GLDN: variants seen among roughly 807,000 people sequenced by gnomAD.
The protein encoded by GLDN is collomin.
A neutral mutation model predicts 56.5 loss-of-function variants in GLDN; 47 were observed. The observed-to-expected ratio is 0.83, with a 90% CI of 0.66 to 1.06. The LOEUF (loss-of-function observed/expected upper bound fraction) is 1.06, where lower values mean the gene tolerates loss of function less well. GLDN is among the 50% of genes least tolerant of loss of function. The pLI is 0.00. For missense variants in GLDN, 782 were observed against 714.3 expected (o/e 1.09, Z -1.08); for synonymous variants, 332 against 278.8 (o/e 1.19, Z -1.90).
At chr15:51,391,040 T>G (rs1300180003) in intron 4 of GLDN, among the ~76,000 whole-genome samples, 1 of 152,214 alleles carries the variant, frequency 6.6e-6, no homozygotes, top group Non-Finnish European at 1.5e-5. Context: ...AGGGCAATTT[T>G]ACTGACAAAG....
In GLDN at chr15:51,404,358, T is replaced by C. The variant is rs755074868; in HGVS notation, c.1260T>C (p.Asn420=). Residue 420 remains asparagine (N), a synonymous_variant, in exon 10 of 10, where the codon AAT becomes AAC. Transcript: ENST00000335449. ...TTGATCGAAAATACCTTTTTGCAAA[T>C]TCCAAAACTTACTTCAATCTAGCTG... ...LYFDRKYLFA[N]SKTYFNLAVD... The C allele has an allele frequency of 1.1e-5, 18 of 1,613,976 alleles. No homozygotes were observed.
Position 51,383,870 on chromosome 15 carries a change from A to G in GLDN, c.519A>G (p.Ala173=). Residue 173 remains alanine (A), a synonymous_variant, in exon 4 of 10, where the codon GCA becomes GCG. Transcript: ENST00000335449. ...AGGGCCCAAAAGGAGAAAAAGGAGC[A>G]AATGGAAAAAGAGGAAAAATGGGTA... ...GPQGPKGEKG[A]NGKRGKMGIP... 1 of 1,611,346 alleles carries G rather than the reference A, an allele frequency of 6.2e-7. No individual in the cohort carries two copies. The highest frequency in any genetic ancestry group is 8.5e-7 in the Non-Finnish European group (1 of 1,178,982).
Position 51,400,469 on chromosome 15 carries a change from A to G in GLDN, c.998A>G (p.Asp333Gly). 3 of 1,614,178 alleles carry G rather than the reference A, an allele frequency of 1.9e-6. No individual in the cohort carries two copies. Reference protein sequence around the residue: ...WIRESANKSDDRIWVTEHFSG... With the variant: ...WIRESANKSDGRIWVTEHFSG... Reference sequence around the variant, plus strand: ...AGAGAGTCTGCTAACAAGAGTGATGACCGGATTTGGGTGACAGAGCATTTT... The same window carrying G: ...AGAGAGTCTGCTAACAAGAGTGATGGCCGGATTTGGGTGACAGAGCATTTT... The change falls in exon 8 of 10, where the codon GAC (aspartate) becomes GGC (glycine). Residue 333 changes from aspartate (D) to glycine (G), a missense_variant. Physicochemically the swap from Asp to Gly is moderately conservative, Grantham distance 94 (BLOSUM62 -1). Coordinates refer to ENST00000335449, the MANE Select transcript of GLDN (RefSeq NM_181789.4).
intron 1 of GLDN, among the ~76,000 whole-genome samples, chr15:51,352,190 C>G (rs2037089168): frequency 6.6e-6 from 1 of 151,964 alleles, no homozygotes; most frequent in African/African-American, 2.4e-5. Context: ...ATAGATGGCA[C>G]CTTCTCACCT....
chr15:51,390,680 C>G (rs1289572716), intron 4 of GLDN, among the ~76,000 whole-genome samples: 4 of 152,318 alleles, frequency 2.6e-5, no homozygotes, highest in Admixed American at 6.5e-5. Context: ...CTCCCTCACC[C>G]CATGTTGTGA....
intron 1 of GLDN, among the ~76,000 whole-genome samples, chr15:51,364,151 T>C (rs1438757665): frequency 6.6e-6 from 1 of 152,214 alleles, no homozygotes; most frequent in East Asian, 1.9e-4. Context: ...TTTTTGCCAT[T>C]GGTACTTCAG....
intron 1 of GLDN, chr15:51,367,481 T>G (rs1485667841): frequency 1.3e-5 from 2 of 152,268 alleles, no homozygotes; most frequent in Admixed American, 6.5e-5. Context: ...ACTTGGTAAT[T>G]ATTTGTTTAA....
intron 5 of GLDN, 65 bp from the exon 6 acceptor site, chr15:51,397,405 C>G: frequency 4.9e-6 from 3 of 613,332 alleles, no homozygotes; most frequent in Non-Finnish European, 7.0e-6. Flanking sequence ...CTTCTCTGTC[C>G]CTCTCTCCCC....
In GLDN at chr15:51,341,691, C is replaced by T; in HGVS notation, c.7C>T (p.Arg3Ter). ...TGCCCAAGGCGCATAGAGCATGGCCCGAGGCGCTGAGGGAGGCCGTGGGGA... is the reference window on the plus strand; with the variant it reads ...TGCCCAAGGCGCATAGAGCATGGCCTGAGGCGCTGAGGGAGGCCGTGGGGA... The part of the protein sequence containing the change: MA[R>*]GAEGGRGDAG... Residue 3 changes from arginine to a stop codon, truncating the protein, a stop_gained, in exon 1 of 10, where the codon CGA (arginine) becomes TGA (stop). Transcript: ENST00000335449. LOFTEE classifies it high-confidence loss of function. 2.8e-6 allele frequency: 4 copies of T among 1,419,278 alleles called. No individual in the cohort carries two copies. The highest frequency in any genetic ancestry group is 3.6e-6 in the Non-Finnish European group (4 of 1,101,332). 87.9% of individuals were successfully genotyped at this position (1,419,278 alleles called of 1,614,324 possible).
In GLDN at chr15:51,406,819, A is replaced by C. The variant is rs2038393147; in HGVS notation, c.*2065A>C. ...TTGTACCATGTCACCTTAGCTTTTA[A>C]AAATACTCTTTTCAGATTCACGTTC... On this transcript the variant is annotated 3_prime_UTR_variant, in exon 10 of 10. Transcript: ENST00000335449. 2 of 152,190 alleles carry C rather than the reference A, an allele frequency of 1.3e-5. No individual in the cohort carries two copies. The highest frequency in any genetic ancestry group is 6.5e-5 in the Admixed American group (1 of 15,268). The allele number at this position is 152,190 out of a possible 1,614,324, so 9.4% of individuals were successfully genotyped here.
In GLDN at chr15:51,362,484, TA is replaced by T. The variant is rs59898719; in HGVS notation, c.364-14944del. Among the ~76,000 whole-genome samples the T allele has an allele frequency of 7.1e-3, 930 of 131,838 alleles. 18 individuals are homozygous for T. Among genetic ancestry groups the T allele is most frequent in the East Asian group, 0.069 (322 of 4,678 alleles). 86.5% of individuals were successfully genotyped at this position (131,838 alleles called of 152,430 possible). A position where few individuals can be genotyped will look rare whatever the true frequency, so the allele number is the denominator to read the frequency against. ...TGGGTGACAGAGCGAGACTCTGTCT[TA>T]AAAAAAAAAAAAAAAAAAAAGAAAG... is the stretch of plus-strand genomic sequence containing the variant. On this transcript the variant is annotated intron_variant, in intron 1 of 9. Coordinates refer to ENST00000335449, the MANE Select transcript of GLDN (RefSeq NM_181789.4).
intron 6 of GLDN, among the ~76,000 whole-genome samples, chr15:51,398,812 C>T (rs748331328): frequency 2.6e-5 from 4 of 152,146 alleles, no homozygotes; most frequent in Non-Finnish European, 4.4e-5. Flanking sequence ...ATGAACTGAG[C>T]GAGACCTCCC....
At chr15:51,374,736 CTTTT>C (rs71297688) in intron 1 of GLDN, among the ~76,000 whole-genome samples, 4 of 110,252 alleles carry the variant, frequency 3.6e-5, no homozygotes, top group Non-Finnish European at 5.7e-5. Flanking sequence ...CTTTCTTTTC[CTTTT>C]TTTTTTTTTT....
At chr15:51,393,773 T>C (rs2038069462) in intron 4 of GLDN, among the ~76,000 whole-genome samples, 1 of 152,210 alleles carries the variant, frequency 6.6e-6, no homozygotes, top group African/African-American at 2.4e-5. Flanking sequence ...AAGGGTGCTT[T>C]CACTGCTCAG....
At chr15:51,398,746 C>T (rs1036451499) in intron 6 of GLDN, among the ~76,000 whole-genome samples, 10 of 152,200 alleles carry the variant, frequency 6.6e-5, no homozygotes, top group African/African-American at 9.6e-5. Context: ...GCTGGGCTGC[C>T]GTGCAGTGCC....
At chr15:51,402,711 G>A (rs958289613) in intron 9 of GLDN, among the ~76,000 whole-genome samples, 3 of 152,116 alleles carry the variant, frequency 2.0e-5, no homozygotes, top group African/African-American at 7.2e-5. Flanking sequence ...AACAACCTTT[G>A]GCATTTGAAT....
downstream of GLDN, among the ~76,000 whole-genome samples, chr15:51,409,198 A>G (rs1255715719): frequency 6.6e-6 from 1 of 151,622 alleles, no homozygotes; most frequent in Non-Finnish European, 1.5e-5. Context: ...GCCAAAAAAA[A>G]TGGTCCCTTA....
intron 2 of GLDN, among the ~76,000 whole-genome samples, chr15:51,381,767 G>GTTTTT (rs144718027): frequency 5.3e-5 from 8 of 150,810 alleles, no homozygotes; most frequent in Non-Finnish European, 5.9e-5. Context: ...GATCCCCTAG[G>GTTTTT]GTTTTTTTTT....
At chr15:51,348,771 T>C (rs2037024126) in intron 1 of GLDN, among the ~76,000 whole-genome samples, 1 of 152,208 alleles carries the variant, frequency 6.6e-6, no homozygotes, top group Non-Finnish European at 1.5e-5. Flanking sequence ...CAAACAACAC[T>C]CACATTGTTA....
Sources: allele counts gnomAD v4.1 joint callset (sites outside exome capture counted in the v4.1 genomes callset), GRCh38; gene constraint gnomAD v4.1.1; transcripts MANE v1.5; gene names NCBI Gene and HGNC (gene_info 2026-07-23, HGNC 2026-07-21).